Variants in CHODL observed in about 807,000 individuals in gnomAD.
CHODL encodes transmembrane protein MT75.
In CHODL, 29 loss-of-function variants were observed where a neutral mutation model predicts 34.5. The observed-to-expected ratio is 0.84, with a 90% CI of 0.63 to 1.15. The LOEUF (loss-of-function observed/expected upper bound fraction) is 1.15, where lower values mean the gene tolerates loss of function less well. Among genes scored for constraint, CHODL ranks in the 50% most tolerant of loss-of-function variants. The pLI is 0.00. For missense variants in CHODL, 332 were observed against 332.5 expected, an observed-to-expected ratio of 1.00 and a Z score of 0.01; for synonymous variants, 125 against 116.1, an observed-to-expected ratio of 1.08 and a Z score of -0.49.
At chr21:18,130,548 G>A (rs1467579053) in intron 2 of CHODL, among the ~76,000 whole-genome samples, 1 of 152,094 alleles carries the variant, frequency 6.6e-6, no homozygotes, top group Non-Finnish European at 1.5e-5. Flanking sequence ...GGAATGAACA[G>A]TGCACCCTTA....
chr21:17,960,117 T>TC (rs2063521290), intron 1 of CHODL, among the ~76,000 whole-genome samples: 1 of 152,118 alleles, frequency 6.6e-6, no homozygotes, highest in African/African-American at 2.4e-5. Flanking sequence ...AGGGATACAC[T>TC]AGGCTTCTCC....
chr21:18,109,544 A>G (rs1430338334), intron 2 of CHODL, among the ~76,000 whole-genome samples: 1 of 152,132 alleles, frequency 6.6e-6, no homozygotes, highest in African/African-American at 2.4e-5. Context: ...TTTTGGGGGT[A>G]CTTAATTTTG....
chr21:17,925,448 A>G (rs1214613047), intron 1 of CHODL, among the ~76,000 whole-genome samples: 1 of 152,230 alleles, frequency 6.6e-6, no homozygotes, highest in Non-Finnish European at 1.5e-5. Flanking sequence ...TTGAAGTGTC[A>G]GAGGGCAAAT....
intron 1 of CHODL, among the ~76,000 whole-genome samples, chr21:17,926,443 T>C (rs2063223816): frequency 6.6e-6 from 1 of 151,740 alleles, no homozygotes; most frequent in Admixed American, 6.6e-5. Flanking sequence ...ATACCTGAGA[T>C]TGGATAGTTT....
chr21:18,131,429 G>T (rs1161680452), intron 2 of CHODL, among the ~76,000 whole-genome samples: 1 of 151,956 alleles, frequency 6.6e-6, no homozygotes, highest in Non-Finnish European at 1.5e-5. Context: ...CATCACTTTG[G>T]TATACATTTC....
intron 2 of CHODL, among the ~76,000 whole-genome samples, chr21:18,200,823 A>G (rs140933493): frequency 6.6e-6 from 1 of 152,316 alleles, no homozygotes; most frequent in African/African-American, 2.4e-5. Context: ...GGAGGACAGG[A>G]CAATCAAAAA....
intron 1 of CHODL, chr21:18,245,902 C>A (rs1057141520): frequency 7.8e-6 from 12 of 1,535,404 alleles, no homozygotes; most frequent in Admixed American, 2.0e-5. Flanking sequence ...TTGGGGACTT[C>A]CCAGAAAATG....
intron 2 of CHODL, among the ~76,000 whole-genome samples, chr21:18,174,140 T>TCTTG (rs2073271212): frequency 2.2e-5 from 2 of 92,234 alleles, no homozygotes; most frequent in East Asian, 3.5e-4. Flanking sequence ...TATATATATA[T>TCTTG]ATATATATAT....
chr21:18,146,586 A>G (rs2072892989), intron 2 of CHODL, among the ~76,000 whole-genome samples: 1 of 152,010 alleles, frequency 6.6e-6, no homozygotes, highest in Non-Finnish European at 1.5e-5. Flanking sequence ...CATAATTGTA[A>G]GTTTCCTGAG....
intron 2 of CHODL, among the ~76,000 whole-genome samples, chr21:18,168,795 TTTG>T (rs2073188490): frequency 6.6e-6 from 1 of 152,190 alleles, no homozygotes; most frequent in South Asian, 2.1e-4. Flanking sequence ...GCTTTTTTCT[TTTG>T]TTATTTGCAC....
intron 2 of CHODL, among the ~76,000 whole-genome samples, chr21:18,036,194 C>T (rs1031908598): frequency 6.6e-6 from 1 of 151,982 alleles, no homozygotes; most frequent in Non-Finnish European, 1.5e-5. Flanking sequence ...TTTCTGAGTA[C>T]TCTACCTAAT....
At chr21:17,933,141 A>G (rs939623747) in intron 1 of CHODL, among the ~76,000 whole-genome samples, 14 of 152,184 alleles carry the variant, frequency 9.2e-5, no homozygotes, top group African/African-American at 3.4e-4. Context: ...GATGGAACAT[A>G]CAATCGGGTT....
chr21:18,193,529 A>G (rs1231545263), intron 2 of CHODL, among the ~76,000 whole-genome samples: 1 of 151,690 alleles, frequency 6.6e-6, no homozygotes, highest in East Asian at 1.9e-4. Context: ...CCCAGTCTCT[A>G]CTAAAAAAAT....
At chr21:18,123,085 C>A (rs1307977586) in intron 2 of CHODL, among the ~76,000 whole-genome samples, 1 of 152,168 alleles carries the variant, frequency 6.6e-6, no homozygotes. Flanking sequence ...CTCTTTCATG[C>A]ACAAGACTGC....
chr21:18,081,222 G>C (rs1467453068), intron 2 of CHODL, among the ~76,000 whole-genome samples: 3 of 152,018 alleles, frequency 2.0e-5, no homozygotes, highest in Non-Finnish European at 2.9e-5. Flanking sequence ...TCAAATCTAA[G>C]AGTTTTTTGG....
intron 1 of CHODL, among the ~76,000 whole-genome samples, chr21:18,009,827 G>T (rs2063995741): frequency 6.8e-6 from 1 of 146,420 alleles, no homozygotes; most frequent in African/African-American, 2.6e-5. Context: ...AGCGGAGCTT[G>T]CAGTGAGCTG....
intron 2 of CHODL, among the ~76,000 whole-genome samples, chr21:18,215,334 A>T (rs144201609): frequency 2.0e-4 from 31 of 152,264 alleles, no homozygotes; most frequent in African/African-American, 7.0e-4. Flanking sequence ...TAGGCAATTG[A>T]TCTTCTCCAG....
intron 2 of CHODL, among the ~76,000 whole-genome samples, chr21:18,131,453 T>C (rs1474003259): frequency 6.6e-6 from 1 of 152,196 alleles, no homozygotes; most frequent in Non-Finnish European, 1.5e-5. Context: ...TTACGAACAT[T>C]TTGTTTAATG....
chr21:17,930,485 A>C (rs1200633684), intron 1 of CHODL, among the ~76,000 whole-genome samples: 1 of 152,184 alleles, frequency 6.6e-6, no homozygotes, highest in Non-Finnish European at 1.5e-5. Context: ...TGCTGATGGA[A>C]TATTCCGCAG....
Sources: gnomAD v4.1 joint callset for allele counts (sites outside exome capture counted in the v4.1 genomes callset) on GRCh38, gnomAD v4.1.1 for gene constraint, MANE v1.5 for transcripts, NCBI Gene and HGNC (gene_info 2026-07-23, HGNC 2026-07-21) for gene names.